Variants in DCDC1 observed in about 807,000 individuals in gnomAD.
DCDC1 encodes doublecortin domain containing 1.
DCDC1 carries 200 observed loss-of-function variants against 178.3 expected under a neutral mutation model. The observed-to-expected ratio is 1.12, with a 90% CI of 1.00 to 1.26. The LOEUF (loss-of-function observed/expected upper bound fraction) is 1.26, where lower values mean the gene tolerates loss of function less well. Among genes scored for constraint, DCDC1 ranks in the 50% most tolerant of loss-of-function variants. The pLI, the probability that DCDC1 is intolerant of heterozygous loss-of-function variation, is 0.00. For synonymous variants in DCDC1, 690 were observed against 604.8 expected (o/e 1.14, Z -2.07); for missense variants, 1,983 against 1,749.2 (o/e 1.13, Z -2.38).
At position 31,149,793 on chromosome 11, in the gene DCDC1, A is replaced by G. The variant is rs143681288; in HGVS notation, c.1222-12009T>C. 5.0e-3 allele frequency among the ~76,000 whole-genome samples: 753 copies of G among 152,120 alleles called. 6 individuals carry two copies. The highest frequency in any genetic ancestry group is 0.017 in the African/African-American group (726 of 41,488). On this transcript the variant is annotated intron_variant, in intron 9 of 38. Transcript: ENST00000684477. The stretch of plus-strand genomic sequence containing the variant: ...GAAGTCAGCAAGACCACGAACCCAC[A>G]GGAAGGAAGAAACTCCAGACACCTC...
chr11:30,883,131 C>A (rs572857742), intron 36 of DCDC1: 1 of 152,416 alleles, frequency 6.6e-6, no homozygotes, highest in East Asian at 1.9e-4. Flanking sequence ...AAATGGAGAA[C>A]AAAGAGGTTA....
At chr11:30,981,022 AATT>A (rs1191254583) in intron 20 of DCDC1, among the ~76,000 whole-genome samples, 1 of 152,184 alleles carries the variant, frequency 6.6e-6, no homozygotes, top group African/African-American at 2.4e-5. Context: ...AAAAAAATAA[AATT>A]ATGTCTTTTG....
chr11:31,047,167 C>A (rs1272879158), intron 20 of DCDC1, among the ~76,000 whole-genome samples: 2 of 151,998 alleles, frequency 1.3e-5, no homozygotes, highest in African/African-American at 4.8e-5. Flanking sequence ...TCATTGTCAT[C>A]TTTTTTATAA....
chr11:31,323,165 T>C (rs1293606605), intron 3 of DCDC1, among the ~76,000 whole-genome samples: 1 of 152,208 alleles, frequency 6.6e-6, no homozygotes, highest in African/African-American at 2.4e-5. Flanking sequence ...TATTTTTAGA[T>C]TTCTATGGCA....
chr11:31,158,356 A>T (rs1159058541), intron 9 of DCDC1, among the ~76,000 whole-genome samples: 2 of 151,264 alleles, frequency 1.3e-5, no homozygotes, highest in African/African-American at 4.9e-5. Flanking sequence ...TGACCTTGTG[A>T]TCTGCCCGCC....
intron 9 of DCDC1, among the ~76,000 whole-genome samples, chr11:31,184,656 C>T (rs1241113580): frequency 6.6e-6 from 1 of 152,126 alleles, no homozygotes; most frequent in East Asian, 1.9e-4. Context: ...AGCCAACAAA[C>T]ATATGGAAAA....
intron 9 of DCDC1, among the ~76,000 whole-genome samples, chr11:31,199,578 G>T (rs1971065710): frequency 6.6e-6 from 1 of 152,098 alleles, no homozygotes; most frequent in African/African-American, 2.4e-5. Flanking sequence ...GCTGCTCAGA[G>T]AATGTCTCTG....
chr11:30,959,564 T>C (rs1948969338), intron 20 of DCDC1, among the ~76,000 whole-genome samples: 1 of 152,130 alleles, frequency 6.6e-6, no homozygotes, highest in Non-Finnish European at 1.5e-5. Context: ...CCCACTGAAC[T>C]ACTGGAGTGC....
intron 1 of DCDC1, among the ~76,000 whole-genome samples, chr11:31,341,987 T>A (rs569073123): frequency 6.6e-6 from 1 of 152,132 alleles, no homozygotes; most frequent in Non-Finnish European, 1.5e-5. Flanking sequence ...AGGTGATGGA[T>A]GCCAATGAGA....
intron 9 of DCDC1, among the ~76,000 whole-genome samples, chr11:31,153,881 A>ACT (rs965994892): frequency 6.7e-6 from 1 of 149,730 alleles, no homozygotes; most frequent in African/African-American, 2.5e-5. Context: ...ACACACACAC[A>ACT]CTCTCACACC....
chr11:31,156,712 G>A (rs1965751202), intron 9 of DCDC1, among the ~76,000 whole-genome samples: 1 of 152,066 alleles, frequency 6.6e-6, no homozygotes, highest in Non-Finnish European at 1.5e-5. Flanking sequence ...GTGTCAGTCT[G>A]GGCATGTATA....
At chr11:31,011,753 G>C (rs1952183986) in intron 20 of DCDC1, among the ~76,000 whole-genome samples, 1 of 152,090 alleles carries the variant, frequency 6.6e-6, no homozygotes, top group African/African-American at 2.4e-5. Flanking sequence ...CACACCACAA[G>C]ACATGTCAAG....
At chr11:31,366,605 A>G (rs1196582288) in intron 1 of DCDC1, among the ~76,000 whole-genome samples, 1 of 152,186 alleles carries the variant, frequency 6.6e-6, no homozygotes, top group Non-Finnish European at 1.5e-5. Context: ...TGTTATAAGT[A>G]AGGAGAAGCA....
chr11:31,332,692 A>C (rs1950059575), intron 2 of DCDC1, among the ~76,000 whole-genome samples: 1 of 152,104 alleles, frequency 6.6e-6, no homozygotes, highest in Admixed American at 6.6e-5. Context: ...TGTGGTTTTG[A>C]GTGAGTTTCT....
intron 3 of DCDC1, among the ~76,000 whole-genome samples, chr11:31,327,858 G>C (rs962791659): frequency 6.6e-6 from 1 of 151,974 alleles, no homozygotes; most frequent in African/African-American, 2.4e-5. Flanking sequence ...CTTCCGAGTA[G>C]CTGAGATTAC....
intron 7 of DCDC1, among the ~76,000 whole-genome samples, chr11:31,277,500 G>GT (rs1164268547): frequency 6.6e-6 from 1 of 152,090 alleles, no homozygotes; most frequent in African/African-American, 2.4e-5. Flanking sequence ...GTATCAAACT[G>GT]TTTTGCCAAG....
In DCDC1 at chr11:30,865,092, C is replaced by T. The variant is rs531404347; in HGVS notation, c.*281G>A. ...GGCCAAGGCAAAGAGAAAAGATGCC[C>T]AGAGCAGTCTGTTAGAGTTGCATTC... On this transcript the variant is annotated 3_prime_UTR_variant, in exon 39 of 39. Transcript: ENST00000684477. 3.6e-4 allele frequency: 55 copies of T among 152,278 alleles called. No homozygotes were observed. Among genetic ancestry groups the T allele is most frequent in the African/African-American group, 1.3e-3 (52 of 41,572 alleles). 9.4% of individuals were successfully genotyped at this position (152,278 alleles called of 1,614,324 possible).
intron 17 of DCDC1, among the ~76,000 whole-genome samples, chr11:31,082,155 A>G (rs557287984): frequency 2.6e-5 from 4 of 152,326 alleles, no homozygotes; most frequent in African/African-American, 7.2e-5. Flanking sequence ...GAGGAGCTAT[A>G]TTCCATCCAA....
At chr11:31,117,848 T>C (rs947868783) in intron 11 of DCDC1, among the ~76,000 whole-genome samples, 3 of 152,114 alleles carry the variant, frequency 2.0e-5, no homozygotes, top group African/African-American at 7.2e-5. Flanking sequence ...AAAAAGCCCT[T>C]TATAAATGGA....
Sources: allele counts gnomAD v4.1 joint callset (sites outside exome capture counted in the v4.1 genomes callset), GRCh38; gene constraint gnomAD v4.1.1; transcripts MANE v1.5; gene names NCBI Gene and HGNC (gene_info 2026-07-23, HGNC 2026-07-21).